PRCP: variants seen among roughly 807,000 people sequenced by gnomAD.
The protein encoded by PRCP is prolylcarboxypeptidase.
In PRCP, 46 loss-of-function variants were observed where a neutral mutation model predicts 54.2. The ratio of observed to expected loss-of-function variants is 0.85; its 90% CI spans 0.67 to 1.09. The LOEUF is 1.09. Ranked by LOEUF, PRCP falls within the 50% of genes least tolerant of loss-of-function variation. The pLI, the probability that PRCP is intolerant of heterozygous loss-of-function variation, is 0.00. For synonymous variants in PRCP, 240 were observed against 212.2 expected (o/e 1.13, Z -1.14); for missense variants, 613 against 596.8 (o/e 1.03, Z -0.28).
intron 1 of PRCP, among the ~76,000 whole-genome samples, chr11:82,864,686 G>A (rs1436973138): frequency 1.3e-5 from 2 of 152,180 alleles, no homozygotes; most frequent in Non-Finnish European, 2.9e-5. Flanking sequence ...GTCATGCACA[G>A]CAGTTCTTTC....
chr11:82,871,850 G>T (rs949426975), intron 1 of PRCP, among the ~76,000 whole-genome samples: 5 of 152,176 alleles, frequency 3.3e-5, no homozygotes, highest in Non-Finnish European at 7.4e-5. Context: ...CAGATGGTGT[G>T]CCCAGAGCTG....
intron 1 of PRCP, among the ~76,000 whole-genome samples, chr11:82,870,517 G>A (rs945737968): frequency 2.6e-5 from 4 of 152,136 alleles, no homozygotes; most frequent in African/African-American, 9.7e-5. Flanking sequence ...TACCGAGGGA[G>A]GAAACTAAAA....
chr11:82,825,079 C>A lies in PRCP; in HGVS notation c.1318G>T (p.Asp440Tyr), dbSNP rs773621250. ...ACTGCAACCAGAGTGTCTGTGATAT[C>A]CTTAGTTACTCCACCTCCTGACCAG... ...DPWSGGGVTK[D>Y]ITDTLVAVTI... Residue 440 changes from aspartate to tyrosine, a missense_variant, in exon 9 of 9, where the codon GAT becomes TAT. Asp to Tyr is a radical substitution (Grantham distance 160). Transcript: ENST00000313010. 6.2e-7 allele frequency: 1 copy of A among 1,613,944 alleles called. No homozygotes were observed. The highest frequency in any genetic ancestry group is 1.1e-5 in the South Asian group (1 of 91,040).
intron 8 of PRCP, chr11:82,829,817 T>A (rs1027086668): frequency 3.9e-5 from 6 of 152,238 alleles, no homozygotes; most frequent in Non-Finnish European, 7.3e-5. Flanking sequence ...TGGATGCCCA[T>A]CATAGACATC....
At chr11:82,875,535 G>A (rs1859582735) in intron 1 of PRCP, among the ~76,000 whole-genome samples, 1 of 152,140 alleles carries the variant, frequency 6.6e-6, no homozygotes, top group African/African-American at 2.4e-5. Context: ...TTAATACTGA[G>A]CCTCCTCAGC....
chr11:82,891,395 C>T (rs1012448624), intron 1 of PRCP, among the ~76,000 whole-genome samples: 1 of 152,156 alleles, frequency 6.6e-6, no homozygotes, highest in African/African-American at 2.4e-5. Flanking sequence ...TTCTGTTTAC[C>T]CCCTTTCCCC....
chr11:82,860,204 C>A (rs923584097), intron 1 of PRCP, 87 bp from the exon 2 acceptor site: 4 of 916,546 alleles, frequency 4.4e-6, no homozygotes, highest in African/African-American at 3.5e-5. Flanking sequence ...CCATTAAAAT[C>A]AATCTCTACT....
At chr11:82,869,099 T>C (rs1338533990) in intron 1 of PRCP, among the ~76,000 whole-genome samples, 1 of 151,704 alleles carries the variant, frequency 6.6e-6, no homozygotes, top group African/African-American at 2.4e-5. Context: ...CTCACACCTG[T>C]AATTCCAACA....
intron 3 of PRCP, among the ~76,000 whole-genome samples, chr11:82,851,127 T>G (rs1858944120): frequency 6.6e-6 from 1 of 152,194 alleles, no homozygotes; most frequent in African/African-American, 2.4e-5. Context: ...GCTCTCTACA[T>G]GAAGACAATT....
rs752680731 is a variant in PRCP at position 82,849,959 on chromosome 11, T to C, written c.706A>G (p.Ser236Gly). 9 of 1,539,172 alleles carry C rather than the reference T, an allele frequency of 5.8e-6. No individual in the cohort carries two copies. The African/African-American group carries it at 1.3e-4, about 22-fold the overall frequency. ...FRKSGPHCSE[S>G]IHRSWDAINR... The stretch of plus-strand genomic sequence containing the variant: ...ATGGCATCCCAGGACCTGTGGATGC[T>C]CTCTGAACAATGTGGACCGCTTTTC... The change falls in exon 5 of 9, where the codon AGC becomes GGC. Residue 236 changes from serine (S) to glycine (G), a missense_variant. By Grantham distance (56) the Ser-to-Gly change is moderately conservative. Transcript: ENST00000313010.
chr11:82,833,363 T>C (rs1415589833), intron 8 of PRCP, among the ~76,000 whole-genome samples: 1 of 151,866 alleles, frequency 6.6e-6, no homozygotes, highest in Non-Finnish European at 1.5e-5. Context: ...TTAAGGAAAA[T>C]GGAAAAAGAG....
At chr11:82,839,045 G>T (rs1283018151) in intron 7 of PRCP, among the ~76,000 whole-genome samples, 1 of 152,176 alleles carries the variant, frequency 6.6e-6, no homozygotes, top group East Asian at 1.9e-4. Context: ...CTAGAGGAGT[G>T]CCTGACACAT....
At chr11:82,880,621 T>C (rs928905909) in intron 1 of PRCP, among the ~76,000 whole-genome samples, 3 of 152,188 alleles carry the variant, frequency 2.0e-5, no homozygotes, top group African/African-American at 7.2e-5. Flanking sequence ...CTGGGAGCTG[T>C]AGACTGGAGC....
chr11:82,874,045 C>A (rs956395869), intron 1 of PRCP, among the ~76,000 whole-genome samples: 1 of 152,108 alleles, frequency 6.6e-6, no homozygotes, highest in Non-Finnish European at 1.5e-5. Context: ...CACATTCATC[C>A]GGTCTAAATG....
rs1858201311 is a variant in PRCP at position 82,825,338 on chromosome 11, T to C, written c.1275-216A>G. The C allele has an allele frequency of 7.4e-6, 4 of 537,280 alleles. No individual in the cohort carries two copies. In the Admixed American group the frequency reaches 1.3e-4, roughly 17 times the overall value. The allele number at this position is 537,280 out of a possible 1,614,324, so 33.3% of individuals were successfully genotyped here. A position where few individuals can be genotyped will look rare whatever the true frequency, so the allele number is the denominator to read the frequency against. ...CCAGGTGCAAAAAAAGAACCAGAGA[T>C]AATTGAAGGAGGCGTTCCCACAAAT... On this transcript the variant is annotated intron_variant, in intron 8 of 8. Coordinates refer to ENST00000313010, the MANE Select transcript of PRCP (RefSeq NM_005040.4).
chr11:82,832,594 C>T (rs11233330), intron 8 of PRCP, among the ~76,000 whole-genome samples: 1 of 152,168 alleles, frequency 6.6e-6, no homozygotes, highest in African/African-American at 2.4e-5. Flanking sequence ...CTTGTAGATT[C>T]TAGATATTAG....
chr11:82,897,861 T>C (rs562382254), intron 1 of PRCP, among the ~76,000 whole-genome samples: 3 of 152,282 alleles, frequency 2.0e-5, no homozygotes, highest in African/African-American at 7.2e-5. Context: ...TTTATATACA[T>C]AGAAGGACAG....
chr11:82,827,234 AG>A (rs1858257782), intron 8 of PRCP: 1 of 152,180 alleles, frequency 6.6e-6, no homozygotes. Context: ...CTTTCTTGAT[AG>A]TATCATTTGC....
intron 2 of PRCP, among the ~76,000 whole-genome samples, chr11:82,856,707 C>T (rs1342258082): frequency 3.3e-5 from 5 of 151,500 alleles, no homozygotes; most frequent in African/African-American, 9.7e-5. Context: ...AAAAAAAACA[C>T]GATGGAGAGA....
Sources: gnomAD v4.1 joint callset for allele counts (sites outside exome capture counted in the v4.1 genomes callset) on GRCh38, gnomAD v4.1.1 for gene constraint, MANE v1.5 for transcripts, NCBI Gene and HGNC (gene_info 2026-07-23, HGNC 2026-07-21) for gene names.